RARB: variants seen among roughly 807,000 people sequenced by gnomAD.
The protein encoded by RARB is retinoic acid receptor beta, also known as HBV-activated protein.
Under a neutral mutation model 51.9 loss-of-function variants are expected in RARB, and 17 were observed. The observed-to-expected ratio is 0.33, with a 90% CI of 0.22 to 0.49. The LOEUF (loss-of-function observed/expected upper bound fraction) is 0.49. RARB is among the 20% of genes least tolerant of loss of function. The pLI is 0.99. For missense variants in RARB, 369 were observed against 550.8 expected (o/e 0.67, Z 3.30); for synonymous variants, 215 against 195.4 (o/e 1.10, Z -0.84).
intron 3 of RARB, among the ~76,000 whole-genome samples, chr3:25,510,115 G>T (rs1697814667): frequency 6.6e-6 from 1 of 152,198 alleles, no homozygotes; most frequent in South Asian, 2.1e-4. Context: ...CAGCAGATAG[G>T]ACAGGAATCA....
chr3:25,024,880 G>GAGGC (rs916448176), intron 2 of RARB: 3 of 148,820 alleles, frequency 2.0e-5, no homozygotes, highest in African/African-American at 7.5e-5. Flanking sequence ...TTGAACCTGG[G>GAGGC]AGGCAGAGGT....
chr3:25,293,597 T>TAAAAAAAAAAAAAAAAAAAAAAAAAAA lies in RARB; in HGVS notation c.178+119043_178+119044insAAAAAAAAAAAAAAAAAAAAAAAAAAA, dbSNP rs10713675. ...TTCCCGAGGCTAGAGTTACTCCATT[T>TAAAAAAAAAAAAAAAAAAAAAAAAAAA]AAAAAAAAAAAAAAAAAAAAAGTTC... On this transcript the variant is annotated intron_variant, in intron 5 of 11. Transcript: ENST00000383772. Among the ~76,000 whole-genome samples, 20 of 68,640 alleles carry TAAAAAAAAAAAAAAAAAAAAAAAAAAA rather than the reference T, an allele frequency of 2.9e-4. 5 individuals are homozygous for TAAAAAAAAAAAAAAAAAAAAAAAAAAA. Among genetic ancestry groups the TAAAAAAAAAAAAAAAAAAAAAAAAAAA allele is most frequent in the South Asian group, 6.8e-4 (1 of 1,460 alleles). 45.0% of individuals were successfully genotyped at this position (68,640 alleles called of 152,430 possible).
intron 2 of RARB, among the ~76,000 whole-genome samples, chr3:24,986,610 A>G (rs974519671): frequency 1.4e-4 from 22 of 152,212 alleles, no homozygotes; most frequent in African/African-American, 4.8e-4. Context: ...TGCTTCCATA[A>G]TGCTATTTTT....
At chr3:25,138,567 A>G (rs534353755) in intron 4 of RARB, among the ~76,000 whole-genome samples, 10 of 152,258 alleles carry the variant, frequency 6.6e-5, no homozygotes, top group South Asian at 4.1e-4. Flanking sequence ...AGATTTGAGC[A>G]TGAATGGACA....
intron 4 of RARB, among the ~76,000 whole-genome samples, chr3:25,148,426 T>A (rs1239552303): frequency 6.6e-6 from 1 of 152,250 alleles, no homozygotes; most frequent in Non-Finnish European, 1.5e-5. Context: ...ATCAGGGGAT[T>A]CTATTGAATC....
At chr3:25,326,582 T>C (rs1008686365) in intron 5 of RARB, among the ~76,000 whole-genome samples, 2 of 152,232 alleles carry the variant, frequency 1.3e-5, no homozygotes, top group African/African-American at 2.4e-5. Flanking sequence ...TTTCATGATT[T>C]ACACCTTAAA....
intron 1 of RARB, among the ~76,000 whole-genome samples, chr3:24,850,652 C>T (rs1702543596): frequency 6.6e-6 from 1 of 152,142 alleles, no homozygotes; most frequent in Admixed American, 6.6e-5. Context: ...GCTATTACTC[C>T]TGATGGGGCA....
intron 3 of RARB, among the ~76,000 whole-genome samples, chr3:25,069,251 T>G (rs1220952921): frequency 6.6e-6 from 1 of 151,604 alleles, no homozygotes; most frequent in Admixed American, 6.6e-5. Context: ...CTTTATGAAA[T>G]AAACTCATTG....
chr3:25,468,118 A>C (rs773137442), intron 2 of RARB, among the ~76,000 whole-genome samples: 1 of 152,148 alleles, frequency 6.6e-6, no homozygotes, highest in Non-Finnish European at 1.5e-5. Context: ...GAGCATTTCT[A>C]CTTCTTCTGG....
chr3:25,216,669 A>G lies in RARB; in HGVS notation c.178+42094A>G, dbSNP rs1277657737. ...CCATAGCACATGTATACTTATTGCA[A>G]CAAATCTGCACATTCTGCACGTGTA... is the stretch of plus-strand genomic sequence containing the variant. On this transcript the variant is annotated intron_variant, in intron 5 of 11. Transcript: ENST00000383772. Among the ~76,000 whole-genome samples the G allele has an allele frequency of 2.0e-5, 3 of 151,842 alleles. 1 individual carries two copies. Among genetic ancestry groups the G allele is most frequent in the Admixed American group, 2.0e-4 (3 of 15,248 alleles).
At position 25,304,710 on chromosome 3, in the gene RARB, C is replaced by T. The variant is rs149339204; in HGVS notation, c.178+130135C>T. 2.5e-3 allele frequency among the ~76,000 whole-genome samples: 378 copies of T among 152,268 alleles called. 1 individual carries two copies. The highest frequency in any genetic ancestry group is 8.5e-3 in the African/African-American group (354 of 41,548). ...GTTATTATAATAGTTAATTAGTTTC[C>T]TTGCTCCCACTCTTGTCCTTATAGA... On this transcript the variant is annotated intron_variant, in intron 5 of 11. Coordinates refer to the RARB transcript ENST00000383772.
At chr3:24,921,668 C>T (rs984533077) in intron 2 of RARB, among the ~76,000 whole-genome samples, 2 of 152,086 alleles carry the variant, frequency 1.3e-5, no homozygotes, top group Admixed American at 1.3e-4. Flanking sequence ...CATAGTCTAG[C>T]CCAGACCTCA....
intron 3 of RARB, among the ~76,000 whole-genome samples, chr3:25,120,389 A>G (rs997747814): frequency 3.3e-5 from 5 of 152,126 alleles, no homozygotes; most frequent in Non-Finnish European, 7.4e-5. Context: ...ATGTCCTCCA[A>G]CTTGTCAAGA....
intron 6 of RARB, 54 bp from the exon 7 acceptor site, chr3:25,594,466 G>A: frequency 3.3e-6 from 5 of 1,508,652 alleles, no homozygotes; most frequent in South Asian, 1.3e-5. Flanking sequence ...ACAAGGAAGA[G>A]GGGAAAAGGG....
intron 5 of RARB, among the ~76,000 whole-genome samples, chr3:25,342,508 G>A (rs1705260430): frequency 6.6e-6 from 1 of 152,224 alleles, no homozygotes. Context: ...CAGATCTGCT[G>A]AGACAGGATT....
At chr3:24,956,200 A>G (rs974940899) in intron 2 of RARB, among the ~76,000 whole-genome samples, 11 of 152,196 alleles carry the variant, frequency 7.2e-5, no homozygotes, top group African/African-American at 2.7e-4. Context: ...CTGTGCTTCA[A>G]CAAGACAGAC....
intron 1 of RARB, among the ~76,000 whole-genome samples, chr3:24,835,365 G>A (rs1265204532): frequency 6.6e-6 from 1 of 152,194 alleles, no homozygotes; most frequent in African/African-American, 2.4e-5. Context: ...CAGAAAGGTA[G>A]CAAGCCAAGC....
intron 4 of RARB, among the ~76,000 whole-genome samples, chr3:25,171,148 T>C (rs1261609339): frequency 2.0e-5 from 3 of 152,152 alleles, no homozygotes; most frequent in Non-Finnish European, 4.4e-5. Context: ...AGAGAATCTC[T>C]TGGCTGGTAG....
rs1698754449 is a variant in RARB, at chr3:25,070,916, G to A, written c.-328+10740G>A. Among the ~76,000 whole-genome samples the A allele has an allele frequency of 2.0e-5, 3 of 152,138 alleles. No homozygotes were observed. In the South Asian group the frequency reaches 6.2e-4, roughly 31 times the overall value. ...AAATTTTAGGGAGGATCCAGGTATTGGGGTATTAGCCTTTAAAGCGTAGCC... is the reference window on the plus strand; with the variant it reads ...AAATTTTAGGGAGGATCCAGGTATTAGGGTATTAGCCTTTAAAGCGTAGCC... On this transcript the variant is annotated intron_variant, in intron 3 of 11. Transcript: ENST00000383772.
Sources: gnomAD v4.1 joint callset for allele counts (sites outside exome capture counted in the v4.1 genomes callset) on GRCh38, gnomAD v4.1.1 for gene constraint, MANE v1.5 for transcripts, NCBI Gene and HGNC (gene_info 2026-07-23, HGNC 2026-07-21) for gene names.